The following EIF4G1 variants were observed in gnomAD, a reference collection of about 807,000 sequenced individuals.
The protein encoded by EIF4G1 is EIF4-gamma.
In EIF4G1, 4 loss-of-function variants were observed where a neutral mutation model predicts 187.8. The observed-to-expected ratio is 0.02, with a 90% confidence interval of 0.01 to 0.05. The LOEUF (loss-of-function observed/expected upper bound fraction) is 0.05. Ranked by LOEUF, EIF4G1 falls within the 10% of genes least tolerant of loss-of-function variation. The pLI is 1.00. For synonymous variants in EIF4G1, 844 were observed against 781.4 expected (o/e 1.08, Z -1.34); for missense variants, 1,647 against 2,081.1 (o/e 0.79, Z 4.06).
intron 28 of EIF4G1, 67 bp from the exon 29 acceptor site, chr3:184,331,199 T>A: frequency 6.6e-7 from 1 of 1,512,962 alleles, no homozygotes; most frequent in South Asian, 1.1e-5. Flanking sequence ...TGGATTAATG[T>A]GGTAGAGCTG....
chr3:184,321,567 A>G lies in EIF4G1; in HGVS notation c.983A>G (p.Glu328Gly). 6.2e-7 allele frequency: 1 copy of G among 1,614,214 alleles called. No individual in the cohort carries two copies. Among genetic ancestry groups the G allele is most frequent in the South Asian group, 1.1e-5 (1 of 91,080 alleles). ...CTCGCCGAACCCATACTGGAAGTAG[A>G]AGTGACACTTAGCAAACCGGTTCCA... ...TPLAEPILEV[E>G]VTLSKPVPES... The change falls in exon 10 of 33, where the codon GAA becomes GGA. Residue 328 changes from glutamate (E) to glycine (G), a missense_variant. Coordinates refer to ENST00000346169, the MANE Select transcript of EIF4G1 (RefSeq NM_198241.3).
In EIF4G1 at chr3:184,320,404, G is replaced by A. The variant is rs376877134; in HGVS notation, c.538-226G>A. On this transcript the variant is annotated intron_variant, in intron 7 of 32. Transcript: ENST00000346169. ...ATGAGGGAGGGAGGGGCATTGTGAT[G>A]TACAGGGCTGCTCTGTGAGATCAAG... 17 of 1,448,572 alleles carry A rather than the reference G, an allele frequency of 1.2e-5. No homozygotes were observed. The East Asian group carries it at 2.6e-4, about 22-fold the overall frequency. 89.7% of individuals were successfully genotyped at this position (1,448,572 alleles called of 1,614,324 possible).
At position 184,323,116 on chromosome 3, in the gene EIF4G1, A is replaced by G. The variant is rs1724204018; in HGVS notation, c.1963A>G (p.Thr655Ala). 1 of 1,614,150 alleles carries G rather than the reference A, an allele frequency of 6.2e-7. No homozygotes were observed. The highest frequency in any genetic ancestry group is 8.5e-7 in the Non-Finnish European group (1 of 1,180,030). Reference sequence around the variant, plus strand: ...AACACCACTGCGGCCACTGGATCCCACTAGACTACAAGGCATAAATTGTGG... The same window carrying G: ...AACACCACTGCGGCCACTGGATCCCGCTAGACTACAAGGCATAAATTGTGG... ...NKTPLRPLDP[T>A]RLQGINCGPD... Residue 655 changes from threonine (T) to alanine (A), a missense_variant, in exon 14 of 33, where the codon ACT (threonine) becomes GCT (alanine). By Grantham distance (58) the Thr-to-Ala change is moderately conservative (BLOSUM62 0). Transcript: ENST00000346169. The surrounding 1 kb of genome is among the most constrained non-coding windows in gnomAD (Gnocchi z 6.9).
At chr3:184,317,238 G>A (rs1722960079) in intron 4 of EIF4G1, 83 bp from the exon 5 acceptor site, 1 of 1,490,882 alleles carries the variant, frequency 6.7e-7, no homozygotes, top group African/African-American at 1.4e-5. Flanking sequence ...CTTCTTTCCA[G>A]GCTATAGAGA....
chr3:184,320,129 C>T (rs919548686), intron 7 of EIF4G1, among the ~76,000 whole-genome samples: 2 of 151,354 alleles, frequency 1.3e-5, no homozygotes, highest in Non-Finnish European at 3.0e-5. Flanking sequence ...CCATTCCCCC[C>T]TGCCCCCCCA....
At position 184,321,585 on chromosome 3, in the gene EIF4G1, C is replaced by A. The variant is rs200405556; in HGVS notation, c.1001C>A (p.Pro334Gln). 6.0e-5 allele frequency: 97 copies of A among 1,614,030 alleles called. No individual in the cohort carries two copies. Among genetic ancestry groups the A allele is most frequent in the Middle Eastern group, 1.6e-4 (1 of 6,084 alleles). ...ILEVEVTLSK[P>Q]VPESEFSSSP... The stretch of plus-strand genomic sequence containing the variant: ...GAAGTAGAAGTGACACTTAGCAAAC[C>A]GGTTCCAGAATCTGAGTTTTCTTCC... Residue 334 changes from proline (P) to glutamine (Q), a missense_variant, in exon 10 of 33, where the codon CCG (proline) becomes CAG (glutamine). Coordinates refer to ENST00000346169, the MANE Select transcript of EIF4G1 (RefSeq NM_198241.3).
rs745427352 is a variant in EIF4G1 at position 184,315,485 on chromosome 3, C to G, written c.-91-4C>G. 1.1e-5 allele frequency: 7 copies of G among 649,798 alleles called. No individual in the cohort carries two copies. The highest frequency in any genetic ancestry group is 2.0e-5 in the Non-Finnish European group (7 of 344,616). 40.3% of individuals were successfully genotyped at this position (649,798 alleles called of 1,614,324 possible). On this transcript the variant is annotated splice_polypyrimidine_tract_variant and splice_region_variant and intron_variant, in intron 1 of 32. Coordinates refer to ENST00000346169, the MANE Select transcript of EIF4G1 (RefSeq NM_198241.3). Reference sequence around the variant, plus strand: ...AGGTTGATACCCTCACCTCCCAACCCCAGGCCCTCGGATGCCCAGAACCTG... The same window carrying G: ...AGGTTGATACCCTCACCTCCCAACCGCAGGCCCTCGGATGCCCAGAACCTG...
Position 184,327,832 on chromosome 3 carries a change from G to A in EIF4G1, c.3783G>A (p.Glu1261=). The A allele has an allele frequency of 6.2e-7, 1 of 1,614,070 alleles. No homozygotes were observed. The highest frequency in any genetic ancestry group is 8.5e-7 in the Non-Finnish European group (1 of 1,180,034). The change falls in exon 26 of 33, where the codon GAG becomes GAA. Residue 1261 remains glutamate (E), a splice_region_variant and synonymous_variant. Coordinates refer to ENST00000346169, the MANE Select transcript of EIF4G1 (RefSeq NM_198241.3). Reference sequence around the variant, plus strand: ...CTGCTGTGCCCTGCACCCCTCAGGAGGCAGTCCAGTGCGTGCAGGAGCTGG... The same window carrying A: ...CTGCTGTGCCCTGCACCCCTCAGGAAGCAGTCCAGTGCGTGCAGGAGCTGG... ...EEYLHLNDMK[E]AVQCVQELAS...
chr3:184,321,550 A>C lies in EIF4G1; in HGVS notation c.966A>C (p.Glu322Asp), dbSNP rs747708020. 1 of 1,614,210 alleles carries C rather than the reference A, an allele frequency of 6.2e-7. No homozygotes were observed. Among genetic ancestry groups the C allele is most frequent in the Non-Finnish European group, 8.5e-7 (1 of 1,180,034 alleles). ...CTCCAGAACCCACTCCTCTCGCCGA[A>C]CCCATACTGGAAGTAGAAGTGACAC... is the stretch of plus-strand genomic sequence containing the variant. ...RLSPEPTPLA[E>D]PILEVEVTLS... The change falls in exon 10 of 33, where the codon GAA (glutamate) becomes GAC (aspartate). Residue 322 changes from glutamate to aspartate, a missense_variant. By Grantham distance (45) the Glu-to-Asp change is conservative (BLOSUM62 2). This residue lies in a region of EIF4G1 where 522 missense variants were observed against 485.2 expected (regional missense o/e 1.08). Coordinates refer to ENST00000346169, the MANE Select transcript of EIF4G1 (RefSeq NM_198241.3).
At position 184,334,743 on chromosome 3, in the gene EIF4G1, C is replaced by G; in HGVS notation, c.4635C>G (p.Phe1545Leu). The change falls in exon 33 of 33, where the codon TTC becomes TTG. Residue 1545 changes from phenylalanine (F) to leucine (L), a missense_variant. By Grantham distance (22) the Phe-to-Leu change is conservative. This residue lies in a region of EIF4G1 where 543 missense variants were observed against 638.0 expected (regional missense o/e 0.85). Coordinates refer to ENST00000346169, the MANE Select transcript of EIF4G1 (RefSeq NM_198241.3). The surrounding 1 kb of genome is among the most constrained non-coding windows in gnomAD (Gnocchi z 5.8). ...LEQPPNLLRM[F>L]FDALYDEDVV... is the part of the protein sequence containing the mutation. ...TGCTTGCAGACCTGCTGCGGATGTT[C>G]TTTGACGCACTGTATGACGAGGACG... is the stretch of plus-strand genomic sequence containing the variant. 6.2e-7 allele frequency: 1 copy of G among 1,614,202 alleles called. No homozygotes were observed. Among genetic ancestry groups the G allele is most frequent in the Non-Finnish European group, 8.5e-7 (1 of 1,180,034 alleles).
In EIF4G1 at chr3:184,331,325, A is replaced by C. The variant is rs772464626; in HGVS notation, c.4221A>C (p.Leu1407=). 2 of 1,614,152 alleles carry C rather than the reference A, an allele frequency of 1.2e-6. No homozygotes were observed. Among genetic ancestry groups the C allele is most frequent in the African/African-American group, 1.3e-5 (1 of 75,032 alleles). Residue 1407 remains leucine (L), a synonymous_variant, in exon 29 of 33, where the codon CTA becomes CTC. Transcript: ENST00000346169. Reference sequence around the variant, plus strand: ...CCGGGCTTAGCTGGAAGGAATTTCTACCTGAAGGCCAGGACATTGGTGCAT... The same window carrying C: ...CCGGGCTTAGCTGGAAGGAATTTCTCCCTGAAGGCCAGGACATTGGTGCAT... ...REAGLSWKEF[L]PEGQDIGAFV...
chr3:184,329,410 A>G (rs1725589032), intron 28 of EIF4G1, among the ~76,000 whole-genome samples: 1 of 152,200 alleles, frequency 6.6e-6, no homozygotes, highest in Admixed American at 6.5e-5. Context: ...ACGTGGGTGG[A>G]TCACGAGGTC....
rs772950492 is a variant in EIF4G1 at position 184,322,602 on chromosome 3, C to G, written c.1667C>G (p.Pro556Arg). ...CCTCCTGCAGGCAGCAATCCAGGCC[C>G]AGAGTCTGAGGGCAGTGGTGTGCCC... ...NQPPAGSNPGPESEGSGVPPR... is the reference protein window; with the variant it reads ...NQPPAGSNPGRESEGSGVPPR... The change falls in exon 12 of 33, where the codon CCA becomes CGA. Residue 556 changes from proline (P) to arginine (R), a missense_variant. Physicochemically the swap from Pro to Arg is moderately radical, Grantham distance 103. Coordinates refer to ENST00000346169, the MANE Select transcript of EIF4G1 (RefSeq NM_198241.3). 1 of 1,614,052 alleles carries G rather than the reference C, an allele frequency of 6.2e-7. No individual in the cohort carries two copies. Among genetic ancestry groups the G allele is most frequent in the African/African-American group, 1.3e-5 (1 of 74,922 alleles).
rs1435845753 is a variant in EIF4G1 at position 184,327,605 on chromosome 3, A to C, written c.3681A>C (p.Leu1227=). The C allele has an allele frequency of 6.2e-7, 1 of 1,613,980 alleles. No individual in the cohort carries two copies. The highest frequency in any genetic ancestry group is 1.3e-5 in the African/African-American group (1 of 74,900). Residue 1227 remains leucine (L), a synonymous_variant, in exon 25 of 33, where the codon CTA becomes CTC. Transcript: ENST00000346169. ...GRDAVKREAA[L]PPVSPLKAAL... ...CCACAGTGAAGCGAGAAGCTGCCCT[A>C]CCCCCAGTGAGCCCCCTGAAGGCGG...
In EIF4G1 at chr3:184,315,781, T is replaced by C. The variant is rs768478408; in HGVS notation, c.-16T>C. The C allele has an allele frequency of 5.8e-6, 9 of 1,551,680 alleles. No individual in the cohort carries two copies. In the South Asian group the frequency reaches 1.1e-4, roughly 18 times the overall value. Reference sequence around the variant, plus strand: ...CCAACAGGTGCTGGGGGGACCCTGATGTGGCACCAAATGAAATGAACAAAG... The same window carrying C: ...CCAACAGGTGCTGGGGGGACCCTGACGTGGCACCAAATGAAATGAACAAAG... On this transcript the variant is annotated 5_prime_UTR_variant, in exon 3 of 33. The change abolishes an upstream ATG in the 5' untranslated region. Transcript: ENST00000346169.
chr3:184,315,578 G>GT (rs1387431592), intron 2 of EIF4G1, 33 bp downstream of exon 2: 10 of 767,192 alleles, frequency 1.3e-5, no homozygotes, highest in Admixed American at 5.1e-5. Context: ...TAGGTCAGGG[G>GT]TTGGTTGGAA....
Position 184,323,127 on chromosome 3 carries a change from A to C in EIF4G1, c.1974A>C (p.Gln658His). 1 of 1,614,198 alleles carries C rather than the reference A, an allele frequency of 6.2e-7. No homozygotes were observed. Among genetic ancestry groups the C allele is most frequent in the Non-Finnish European group, 8.5e-7 (1 of 1,180,040 alleles). Residue 658 changes from glutamine to histidine, a missense_variant, in exon 14 of 33, where the codon CAA becomes CAC. By Grantham distance (24) the Gln-to-His change is conservative. Coordinates refer to ENST00000346169, the MANE Select transcript of EIF4G1 (RefSeq NM_198241.3). This position sits in a 1 kb window ranked among gnomAD's most constrained non-coding sequence, Gnocchi z 6.9. ...PLRPLDPTRL[Q>H]GINCGPDFTP... ...GGCCACTGGATCCCACTAGACTACA[A>C]GGCATAAATTGTGGCCCAGACTTCA...
chr3:184,326,009 CT>C lies in EIF4G1; in HGVS notation c.3222+62del, dbSNP rs1577227758. ...TCAGGTTTAGATCTTAGTCCCTTCA[CT>C]TTTCTAAAGTTGAGAAGGTGACAGC... is the stretch of plus-strand genomic sequence containing the variant. On this transcript the variant is annotated intron_variant, in intron 21 of 32. Transcript: ENST00000346169. 16 of 1,570,116 alleles carry C rather than the reference CT, an allele frequency of 1.0e-5. No individual in the cohort carries two copies. The South Asian group carries it at 1.1e-4, about 11-fold the overall frequency.
At position 184,325,681 on chromosome 3, in the gene EIF4G1, C is replaced by CCGGGAG; in HGVS notation, c.3121+43_3121+48dup. 6.2e-7 allele frequency: 1 copy of CCGGGAG among 1,614,056 alleles called. No homozygotes were observed. The highest frequency in any genetic ancestry group is 1.3e-5 in the African/African-American group (1 of 75,034). ...GATTGAGAAGGGAGCAGTGAAGGGA[C>CCGGGAG]CGGGAGGTTATACTTTCCTCTGATG... On this transcript the variant is annotated intron_variant, in intron 20 of 32. Transcript: ENST00000346169. The surrounding 1 kb of genome is among the most constrained non-coding windows in gnomAD (Gnocchi z 5.2).
Sources: allele counts gnomAD v4.1 joint callset (sites outside exome capture counted in the v4.1 genomes callset), GRCh38; gene constraint gnomAD v4.1.1; regional missense constraint gnomAD v4.1.1; non-coding constraint Gnocchi (gnomAD v3.1); transcripts MANE v1.5; gene names NCBI Gene and HGNC (gene_info 2026-07-23, HGNC 2026-07-21).